The following RCC1L variants were observed in gnomAD, a reference collection of about 807,000 sequenced individuals.
RCC1L encodes the protein RCC1 like.
RCC1L carries 46 observed loss-of-function variants against 58.6 expected under a neutral mutation model. The ratio of observed to expected loss-of-function variants is 0.79; its 90% CI spans 0.62 to 1.00. The LOEUF is 1.00. RCC1L is among the 50% of genes least tolerant of loss of function. RCC1L has a pLI of 0.00. For missense variants in RCC1L, 636 were observed against 623.6 expected, an observed-to-expected ratio of 1.02 and a Z score of -0.21; for synonymous variants, 281 against 262.9, an observed-to-expected ratio of 1.07 and a Z score of -0.67.
rs906985690 is a variant in RCC1L, at chr7:75,058,847, T to C, written c.788-78A>G. 4 of 1,582,946 alleles carry C rather than the reference T, an allele frequency of 2.5e-6. No individual in the cohort carries two copies. In the East Asian group the frequency reaches 6.7e-5, roughly 27 times the overall value. On this transcript the variant is annotated intron_variant, in intron 6 of 10. Coordinates refer to ENST00000610322, the MANE Select transcript of RCC1L (RefSeq NM_030798.5). Reference sequence around the variant, plus strand: ...ATAGGCAGACTTACTATATGCCAAGTGCAGTTTTAAGCACTTAACAAGTAT... The same window carrying C: ...ATAGGCAGACTTACTATATGCCAAGCGCAGTTTTAAGCACTTAACAAGTAT...
In RCC1L at chr7:75,050,846, C is replaced by A. The variant is rs1805882383; in HGVS notation, c.1317+1865G>T. ...ATGGGTCATGCCTGTAATCCCAGCA[C>A]TTTGGGAAGCTGAGGGAGGCAGATT... On this transcript the variant is annotated intron_variant, in intron 10 of 10. Transcript: ENST00000610322. Among the ~76,000 whole-genome samples the A allele has an allele frequency of 1.3e-5, 2 of 152,080 alleles. 1 individual carries two copies. The highest frequency in any genetic ancestry group is 4.1e-4 in the South Asian group (2 of 4,828).
At chr7:75,030,103 C>A (rs976702554) in intron 10 of RCC1L, among the ~76,000 whole-genome samples, 3 of 152,166 alleles carry the variant, frequency 2.0e-5, no homozygotes, top group South Asian at 2.1e-4. Flanking sequence ...GCCTGGTGGC[C>A]GAGAGAGCTT....
chr7:75,046,627 C>T (rs1452565230), intron 10 of RCC1L, among the ~76,000 whole-genome samples: 1 of 152,214 alleles, frequency 6.6e-6, no homozygotes, highest in Non-Finnish European at 1.5e-5. Flanking sequence ...GGAGACTGCC[C>T]TCAGCCATGT....
chr7:75,051,323 T>TACAC (rs1175274941), intron 10 of RCC1L, among the ~76,000 whole-genome samples: 2 of 147,984 alleles, frequency 1.4e-5, no homozygotes, highest in Admixed American at 6.8e-5. Flanking sequence ...CACACATATA[T>TACAC]ACACACACAC....
intron 6 of RCC1L, among the ~76,000 whole-genome samples, chr7:75,060,416 C>T (rs1422933044): frequency 6.6e-6 from 1 of 152,200 alleles, no homozygotes; most frequent in African/African-American, 2.4e-5. Context: ...TCCTGCCTGT[C>T]CTTTTCTCTG....
chr7:75,027,793 G>A (rs983074285), exon 11 of RCC1L: 17 of 565,608 alleles, frequency 3.0e-5, no homozygotes, highest in Admixed American at 9.5e-5. Context: ...TCTTCTCGGC[G>A]TTCTGTGTGT....
rs968564264 is a variant in RCC1L at position 75,030,061 on chromosome 7, G to T, written c.1318-1982C>A. Among the ~76,000 whole-genome samples the T allele has an allele frequency of 6.3e-3, 963 of 152,380 alleles. 7 individuals are homozygous for T. The highest frequency in any genetic ancestry group is 0.011 in the Non-Finnish European group (720 of 68,044). On this transcript the variant is annotated intron_variant, in intron 10 of 10. Transcript: ENST00000614461. Reference sequence around the variant, plus strand: ...GGAGCAGCCTGGAGCAGAGGCAGGAGCCTGAGGCCTGAGCCATGGCATCCA... The same window carrying T: ...GGAGCAGCCTGGAGCAGAGGCAGGATCCTGAGGCCTGAGCCATGGCATCCA...
At chr7:75,066,320 G>A (rs1294891777) in intron 3 of RCC1L, among the ~76,000 whole-genome samples, 1 of 151,900 alleles carries the variant, frequency 6.6e-6, no homozygotes, top group African/African-American at 2.4e-5. Context: ...ATGTGGTGGC[G>A]GGCACCTGTA....
intron 10 of RCC1L, among the ~76,000 whole-genome samples, chr7:75,028,965 G>A (rs902695048): frequency 1.3e-5 from 2 of 151,936 alleles, no homozygotes; most frequent in African/African-American, 4.8e-5. Context: ...AGGAGCTGGG[G>A]GATCAGAGGC....
At chr7:75,029,546 G>A (rs1184382557) in intron 10 of RCC1L, among the ~76,000 whole-genome samples, 1 of 152,046 alleles carries the variant, frequency 6.6e-6, no homozygotes, top group African/African-American at 2.4e-5. Flanking sequence ...GTTTCACTAT[G>A]TTGGCCAGGC....
At chr7:75,030,956 C>T (rs1324589361) in intron 10 of RCC1L, among the ~76,000 whole-genome samples, 15 of 152,174 alleles carry the variant, frequency 9.9e-5, no homozygotes, top group Non-Finnish European at 1.5e-4. Context: ...GCCCCTCACC[C>T]AAACTTTGGA....
intron 5 of RCC1L, 72 bp from the exon 6 acceptor site, chr7:75,061,363 A>T: frequency 7.3e-7 from 1 of 1,371,234 alleles, no homozygotes; most frequent in Non-Finnish European, 1.0e-6. Context: ...CCAAAGAAGG[A>T]CCAGCACCAT....
chr7:75,066,422 C>G (rs191629348), intron 3 of RCC1L, among the ~76,000 whole-genome samples: 63 of 152,196 alleles, frequency 4.1e-4, no homozygotes, highest in African/African-American at 1.4e-3. Context: ...CCACTGCACT[C>G]CAGCCTGGGC....
chr7:75,060,536 T>G (rs1806241756), intron 6 of RCC1L, among the ~76,000 whole-genome samples: 1 of 152,238 alleles, frequency 6.6e-6, no homozygotes, highest in African/African-American at 2.4e-5. Context: ...GTTCAAGCCA[T>G]TCTCCTGCCT....
chr7:75,069,387 TTA>T (rs1806640002), intron 2 of RCC1L, among the ~76,000 whole-genome samples: 1 of 151,678 alleles, frequency 6.6e-6, no homozygotes, highest in South Asian at 2.1e-4. Flanking sequence ...TTTCTTTTTT[TTA>T]GAGACAGAGT....
At chr7:75,064,848 C>T (rs1388659975) in intron 3 of RCC1L, 200 bp from the exon 4 acceptor site, 7 of 634,038 alleles carry the variant, frequency 1.1e-5, no homozygotes, top group Non-Finnish European at 1.5e-5. Context: ...CCGCCTTCCC[C>T]TCCTGGCCCT....
At position 75,042,186 on chromosome 7, in the gene RCC1L, A is replaced by G; in HGVS notation, c.*846T>C. ...TTTAAGAAGATCTCTTCAGAGCTTA[A>G]AAACCAAAAGGCAGAAAATAGACTT... On this transcript the variant is annotated 3_prime_UTR_variant, in exon 11 of 11. Coordinates refer to ENST00000610322, the MANE Select transcript of RCC1L (RefSeq NM_030798.5). The G allele has an allele frequency of 1.0e-6, 1 of 985,488 alleles. No individual in the cohort carries two copies. The highest frequency in any genetic ancestry group is 1.2e-6 in the Non-Finnish European group (1 of 829,936). The allele number at this position is 985,488 out of a possible 1,614,324, so 61.0% of individuals were successfully genotyped here. A position where few individuals can be genotyped will look rare whatever the true frequency, so the allele number is the denominator to read the frequency against.
intron 10 of RCC1L, among the ~76,000 whole-genome samples, chr7:75,033,770 A>C (rs1350192067): frequency 2.0e-5 from 3 of 152,040 alleles, no homozygotes; most frequent in Non-Finnish European, 4.4e-5. Context: ...AGGCCAGAGG[A>C]TCACTTGAGC....
At chr7:75,048,616 C>A (rs1305323666) in intron 10 of RCC1L, among the ~76,000 whole-genome samples, 1 of 152,258 alleles carries the variant, frequency 6.6e-6, no homozygotes. Flanking sequence ...CCTGCCCTCC[C>A]CCGAAGCCAG....
Sources: allele counts gnomAD v4.1 joint callset (sites outside exome capture counted in the v4.1 genomes callset), GRCh38; gene constraint gnomAD v4.1.1; transcripts MANE v1.5; gene names NCBI Gene and HGNC (gene_info 2026-07-23, HGNC 2026-07-21).